Variants in GPC6 observed in about 807,000 individuals in gnomAD.
GPC6 encodes the protein glypican-6.
Under a neutral mutation model 55.2 loss-of-function variants are expected in GPC6, and 14 were observed. The ratio of observed to expected loss-of-function variants is 0.25; its 90% CI spans 0.17 to 0.40. GPC6 has a LOEUF of 0.40. Among genes scored for constraint, GPC6 ranks in the 10% least tolerant of loss-of-function variants. The pLI, the probability that GPC6 is intolerant of heterozygous loss-of-function variation, is 1.00. For synonymous variants in GPC6, 278 were observed against 259.6 expected (o/e 1.07, Z -0.68); for missense variants, 641 against 708.5 (o/e 0.90, Z 1.08).
At chr13:93,580,918 A>G (rs1408915138) in intron 2 of GPC6, among the ~76,000 whole-genome samples, 6 of 152,198 alleles carry the variant, frequency 3.9e-5, no homozygotes, top group Admixed American at 3.9e-4. Flanking sequence ...CTGAATGTAT[A>G]GCTTACCATA....
intron 7 of GPC6, among the ~76,000 whole-genome samples, chr13:94,386,813 G>C (rs984729055): frequency 6.6e-6 from 1 of 151,914 alleles, no homozygotes; most frequent in Non-Finnish European, 1.5e-5. Flanking sequence ...GTTTGTACCC[G>C]CTCCTGCAGC....
At chr13:94,138,212 T>C (rs1047893563) in intron 4 of GPC6, among the ~76,000 whole-genome samples, 28 of 152,170 alleles carry the variant, frequency 1.8e-4, no homozygotes, top group Non-Finnish European at 3.8e-4. Flanking sequence ...TGCTCAACCA[T>C]TAAGTATAAT....
intron 4 of GPC6, among the ~76,000 whole-genome samples, chr13:94,260,403 T>G (rs1891622736): frequency 6.6e-6 from 1 of 152,210 alleles, no homozygotes; most frequent in African/African-American, 2.4e-5. Flanking sequence ...TTCTGGAGTC[T>G]GCAAGTCCAA....
chr13:93,502,774 A>G (rs866294095), intron 1 of GPC6, among the ~76,000 whole-genome samples: 24 of 152,108 alleles, frequency 1.6e-4, no homozygotes, highest in Admixed American at 1.2e-3. Flanking sequence ...ATATTTGCCA[A>G]TTTCCATGGG....
intron 6 of GPC6, among the ~76,000 whole-genome samples, chr13:94,365,421 A>G (rs111616658): frequency 1.3e-3 from 197 of 152,320 alleles, no homozygotes; most frequent in African/African-American, 4.6e-3. Flanking sequence ...CCCAGGAAGA[A>G]AAAAGGCAGA....
Position 93,399,217 on chromosome 13 carries a change from C to T in GPC6, c.161-146046C>T, listed in dbSNP as rs1175566016. ...TTCTGAATGGAAAACCTGAAAGTGC[C>T]GGAAACTGGGAGTGAGCCCTTAGAA... On this transcript the variant is annotated intron_variant, in intron 1 of 8. Coordinates refer to ENST00000377047, the MANE Select transcript of GPC6 (RefSeq NM_005708.5). 7.2e-5 allele frequency among the ~76,000 whole-genome samples: 11 copies of T among 152,280 alleles called. No homozygotes were observed. The East Asian group carries it at 1.9e-3, about 27-fold the overall frequency.
chr13:93,831,329 T>C (rs1025207935), intron 3 of GPC6, among the ~76,000 whole-genome samples: 1 of 152,298 alleles, frequency 6.6e-6, no homozygotes, highest in East Asian at 1.9e-4. Context: ...GTTTAAGTTC[T>C]TTCTTGACAT....
At chr13:93,985,014 G>A (rs559381287) in intron 3 of GPC6, among the ~76,000 whole-genome samples, 1 of 152,316 alleles carries the variant, frequency 6.6e-6, no homozygotes, top group South Asian at 2.1e-4. Flanking sequence ...TGGGGCTGAT[G>A]TGGTAGCTCT....
intron 4 of GPC6, among the ~76,000 whole-genome samples, chr13:94,270,863 A>G (rs1245220793): frequency 6.7e-6 from 1 of 149,904 alleles, no homozygotes; most frequent in Non-Finnish European, 1.5e-5. Context: ...AAGAGAAAGT[A>G]TGGGCCCACA....
intron 4 of GPC6, among the ~76,000 whole-genome samples, chr13:94,068,868 T>C: frequency 6.6e-6 from 1 of 152,202 alleles, no homozygotes; most frequent in East Asian, 1.9e-4. Context: ...GCCTCCCTCC[T>C]GGCTCCCTTC....
Position 93,878,195 on chromosome 13 carries a change from C to G in GPC6, c.711+47650C>G, listed in dbSNP as rs576503581. Among the ~76,000 whole-genome samples, 5 of 152,046 alleles carry G rather than the reference C, an allele frequency of 3.3e-5. No individual in the cohort carries two copies. The South Asian group carries it at 6.2e-4, about 19-fold the overall frequency. On this transcript the variant is annotated intron_variant, in intron 3 of 8. Transcript: ENST00000377047. The stretch of plus-strand genomic sequence containing the variant: ...TATGGTTTGAATGTTTATGTTCCCT[C>G]TAAAATTAATATTGAAACTTAACCC...
chr13:93,237,897 G>T (rs1002548779), intron 1 of GPC6, among the ~76,000 whole-genome samples: 1 of 151,884 alleles, frequency 6.6e-6, no homozygotes, highest in Middle Eastern at 3.2e-3. Context: ...TTTATTTCTG[G>T]GTTCTCTATT....
rs565498870 is a variant in GPC6, at chr13:93,896,352, A to G, written c.711+65807A>G. 7.2e-5 allele frequency among the ~76,000 whole-genome samples: 11 copies of G among 152,058 alleles called. 1 individual carries two copies. Among genetic ancestry groups the G allele is most frequent in the Non-Finnish European group, 1.5e-4 (10 of 67,930 alleles). On this transcript the variant is annotated intron_variant, in intron 3 of 8. Coordinates refer to ENST00000377047, the MANE Select transcript of GPC6 (RefSeq NM_005708.5). The stretch of plus-strand genomic sequence containing the variant: ...TTTTTCACCTCTAAGTCCTTATAGA[A>G]ATAATCCCCATATAAGTAGAGTTTT...
chr13:94,382,301 G>A, intron 6 of GPC6, 113 bp from the exon 7 acceptor site: 1 of 1,111,506 alleles, frequency 9.0e-7, no homozygotes, highest in Non-Finnish European at 1.4e-6. Context: ...CTGTTAAAGA[G>A]TTCCTGCTGG....
chr13:93,802,597 G>A (rs1886410011), intron 2 of GPC6, among the ~76,000 whole-genome samples: 1 of 151,942 alleles, frequency 6.6e-6, no homozygotes, highest in African/African-American at 2.4e-5. Context: ...AGAGACAGGG[G>A]TCTCACTACA....
At chr13:94,256,475 A>G (rs535429451) in intron 4 of GPC6, among the ~76,000 whole-genome samples, 83 of 152,306 alleles carry the variant, frequency 5.4e-4, no homozygotes, top group African/African-American at 1.9e-3. Flanking sequence ...GACCAAGAGC[A>G]AGGAGACTGG....
chr13:93,784,216 A>G (rs1435380990), intron 2 of GPC6, among the ~76,000 whole-genome samples: 1 of 152,182 alleles, frequency 6.6e-6, no homozygotes, highest in African/African-American at 2.4e-5. Flanking sequence ...ATTCATGACC[A>G]AGACAGACAG....
chr13:94,001,954 A>G (rs917127410), intron 3 of GPC6, among the ~76,000 whole-genome samples: 2 of 151,800 alleles, frequency 1.3e-5, no homozygotes, highest in African/African-American at 4.8e-5. Flanking sequence ...ATTAAGGGGG[A>G]GGTTTTGGTC....
chr13:94,369,723 G>T (rs1452337838), intron 6 of GPC6, among the ~76,000 whole-genome samples: 2 of 151,690 alleles, frequency 1.3e-5, no homozygotes, highest in Middle Eastern at 3.2e-3. Context: ...TAGAAGATTG[G>T]GGGGATCATC....
Sources: gnomAD v4.1 joint callset for allele counts (sites outside exome capture counted in the v4.1 genomes callset) on GRCh38, gnomAD v4.1.1 for gene constraint, MANE v1.5 for transcripts, NCBI Gene and HGNC (gene_info 2026-07-23, HGNC 2026-07-21) for gene names.